MIPOL1: variants seen among roughly 807,000 people sequenced by gnomAD.
MIPOL1 encodes mirror-image polydactyly 1.
Under a neutral mutation model 60.9 loss-of-function variants are expected in MIPOL1, and 57 were observed. That is an observed-to-expected ratio of 0.94 (90% CI 0.76 to 1.17). MIPOL1 has a LOEUF of 1.17. Ranked by LOEUF, MIPOL1 falls within the 50% of genes most tolerant of loss-of-function variation. The probability of loss-of-function intolerance (pLI) is 0.00; values close to 1 mark genes in which losing one functional copy is unlikely to be tolerated. For missense variants in MIPOL1, 551 were observed against 511.6 expected, an observed-to-expected ratio of 1.08 and a Z score of -0.74; for synonymous variants, 179 against 168.8, an observed-to-expected ratio of 1.06 and a Z score of -0.47.
rs149532690 is a variant in MIPOL1, at chr14:37,318,267, T to A, written c.828+9748T>A. 2.4e-3 allele frequency among the ~76,000 whole-genome samples: 372 copies of A among 152,284 alleles called. 1 individual carries two copies. The highest frequency in any genetic ancestry group is 8.4e-3 in the African/African-American group (349 of 41,566). ...TAGTGTTGCCTTTACTTTGTGCTTC[T>A]TATAATTAGCATAGTGTCTAGCATG... On this transcript the variant is annotated intron_variant, in intron 9 of 12. Transcript: ENST00000684589.
At chr14:37,396,194 G>T (rs900726026) in intron 10 of MIPOL1, among the ~76,000 whole-genome samples, 8 of 151,854 alleles carry the variant, frequency 5.3e-5, no homozygotes, top group Admixed American at 3.3e-4. Context: ...CTCACCATTT[G>T]TTTGTCTGAA....
In MIPOL1 at chr14:37,446,059, CAA is replaced by C. The variant is rs1475586960; in HGVS notation, c.1031+23113_1031+23114del. 2.0e-5 allele frequency among the ~76,000 whole-genome samples: 3 copies of C among 152,064 alleles called. No homozygotes were observed. In the East Asian group the frequency reaches 5.8e-4, roughly 29 times the overall value. On this transcript the variant is annotated intron_variant, in intron 11 of 12. Coordinates refer to ENST00000684589, the MANE Select transcript of MIPOL1 (RefSeq NM_001388067.1). ...CACCAAAAGCAATGGCAACAAAAGC[CAA>C]AATTGACAAATGGGATCTAATTAAA...
chr14:37,287,597 A>T (rs902923266), intron 7 of MIPOL1, among the ~76,000 whole-genome samples: 1 of 152,200 alleles, frequency 6.6e-6, no homozygotes, highest in African/African-American at 2.4e-5. Context: ...AGTGGGTGCT[A>T]TGTAAGTATT....
chr14:37,356,897 G>C (rs371380514), intron 9 of MIPOL1, among the ~76,000 whole-genome samples: 1 of 152,150 alleles, frequency 6.6e-6, no homozygotes, highest in Non-Finnish European at 1.5e-5. Flanking sequence ...GCTGTAGACC[G>C]GAGCTGTTTC....
At chr14:37,422,808 C>T in intron 10 of MIPOL1, 47 bp from the exon 11 acceptor site, 4 of 1,280,764 alleles carry the variant, frequency 3.1e-6, no homozygotes, top group Non-Finnish European at 4.4e-6. Flanking sequence ...TGTATTTTAT[C>T]ATACCAAAAT....
At chr14:37,361,801 G>C (rs1261914243) in intron 9 of MIPOL1, among the ~76,000 whole-genome samples, 1 of 151,708 alleles carries the variant, frequency 6.6e-6, no homozygotes, top group Non-Finnish European at 1.5e-5. Context: ...TAGAGTCCGG[G>C]TTGCACCATG....
intron 7 of MIPOL1, among the ~76,000 whole-genome samples, chr14:37,296,449 AAGATC>A (rs1439583087): frequency 6.6e-6 from 1 of 152,222 alleles, no homozygotes; most frequent in Non-Finnish European, 1.5e-5. Flanking sequence ...AGAAATAACT[AAGATC>A]AGAGCAGAAC....
At chr14:37,421,921 A>C (rs557168503) in intron 10 of MIPOL1, among the ~76,000 whole-genome samples, 9 of 152,070 alleles carry the variant, frequency 5.9e-5, no homozygotes, top group African/African-American at 2.2e-4. Context: ...ATTACTTTTT[A>C]ATTGTTGGTG....
intron 9 of MIPOL1, among the ~76,000 whole-genome samples, chr14:37,321,345 C>T (rs138623240): frequency 3.3e-5 from 5 of 151,788 alleles, no homozygotes; most frequent in African/African-American, 1.2e-4. Context: ...TCTTCTTTGA[C>T]CCATGAATTA....
intron 12 of MIPOL1, among the ~76,000 whole-genome samples, chr14:37,512,324 G>A (rs1031540286): frequency 3.9e-5 from 6 of 152,252 alleles, no homozygotes; most frequent in Non-Finnish European, 8.8e-5. Flanking sequence ...TGTCAAGGGA[G>A]TCACCATAGT....
intron 11 of MIPOL1, among the ~76,000 whole-genome samples, chr14:37,449,435 T>A (rs968775481): frequency 1.3e-5 from 2 of 152,330 alleles, no homozygotes; most frequent in Admixed American, 6.5e-5. Flanking sequence ...TTCTAAAAAG[T>A]ATTCAACAAA....
intron 11 of MIPOL1, among the ~76,000 whole-genome samples, chr14:37,445,099 T>C (rs1363089804): frequency 6.6e-6 from 1 of 152,124 alleles, no homozygotes; most frequent in Non-Finnish European, 1.5e-5. Flanking sequence ...GAGAAGACAA[T>C]AAAGGGTATT....
intron 10 of MIPOL1, among the ~76,000 whole-genome samples, chr14:37,393,670 A>G (rs1482203469): frequency 6.6e-6 from 1 of 151,596 alleles, no homozygotes; most frequent in Non-Finnish European, 1.5e-5. Flanking sequence ...TGGCAGGCCA[A>G]CCTTTTATTT....
intron 9 of MIPOL1, among the ~76,000 whole-genome samples, chr14:37,338,701 GC>G (rs2090370448): frequency 6.6e-6 from 1 of 152,108 alleles, no homozygotes; most frequent in Admixed American, 6.5e-5. Flanking sequence ...GAGCCACCAT[GC>G]CCAGCCATTT....
chr14:37,363,331 C>T (rs1026698383), intron 9 of MIPOL1, among the ~76,000 whole-genome samples: 1 of 152,086 alleles, frequency 6.6e-6, no homozygotes, highest in African/African-American at 2.4e-5. Context: ...TGAAACTATT[C>T]CTTTCTGTTT....
At chr14:37,267,345 A>G (rs2082955323) in intron 4 of MIPOL1, among the ~76,000 whole-genome samples, 176 bp downstream of exon 4, 1 of 152,060 alleles carries the variant, frequency 6.6e-6, no homozygotes, top group South Asian at 2.1e-4. Context: ...AAAATCAGCC[A>G]GGTGTGGTGG....
At chr14:37,546,237 G>A (rs770522701) in intron 12 of MIPOL1, among the ~76,000 whole-genome samples, 25 of 152,244 alleles carry the variant, frequency 1.6e-4, no homozygotes, top group Middle Eastern at 3.4e-3. Flanking sequence ...TGACTAAAAT[G>A]TCTATGTAGG....
intron 11 of MIPOL1, among the ~76,000 whole-genome samples, chr14:37,433,020 C>T (rs1310862003): frequency 1.3e-5 from 2 of 152,154 alleles, no homozygotes; most frequent in African/African-American, 2.4e-5. Flanking sequence ...CAGAGCAAGC[C>T]ATCGGGCTGG....
At chr14:37,321,868 A>G (rs2088613034) in intron 9 of MIPOL1, among the ~76,000 whole-genome samples, 1 of 151,898 alleles carries the variant, frequency 6.6e-6, no homozygotes. Context: ...CTACTTATAT[A>G]TCTGAATGTT....
Sources: allele counts gnomAD v4.1 joint callset (sites outside exome capture counted in the v4.1 genomes callset), GRCh38; gene constraint gnomAD v4.1.1; transcripts MANE v1.5; gene names NCBI Gene and HGNC (gene_info 2026-07-23, HGNC 2026-07-21).